Variants in IL1RAPL2 observed in about 807,000 individuals in gnomAD.
The protein encoded by IL1RAPL2 is X-linked interleukin-1 receptor accessory protein-like 2.
In IL1RAPL2, 3 loss-of-function variants were observed where a neutral mutation model predicts 44.1. The observed-to-expected ratio is 0.07, with a 90% CI of 0.03 to 0.18. The LOEUF is 0.18. Among genes scored for constraint, IL1RAPL2 ranks in the 10% least tolerant of loss-of-function variants. The pLI is 1.00. For synonymous variants in IL1RAPL2, 181 were observed against 178.8 expected (o/e 1.01, Z -0.10); for missense variants, 391 against 496.4 (o/e 0.79, Z 2.02).
At chrX:105,235,379 A>G (rs1556200551) in intron 4 of IL1RAPL2, among the ~76,000 whole-genome samples, 1 of 111,818 alleles carries the variant, frequency 8.9e-6, no homozygotes, top group East Asian at 2.8e-4. Flanking sequence ...GATGACCAGG[A>G]AGGTTTTCTG....
intron 6 of IL1RAPL2, among the ~76,000 whole-genome samples, chrX:105,552,853 A>G (rs1162084459): frequency 8.9e-6 from 1 of 112,511 alleles, no homozygotes; most frequent in Non-Finnish European, 1.9e-5. Context: ...AATTTCAATT[A>G]CAGTTCACAC....
intron 6 of IL1RAPL2, among the ~76,000 whole-genome samples, chrX:105,652,330 C>T (rs1389447457): frequency 9.0e-6 from 1 of 111,478 alleles, no homozygotes. Context: ...ATGAACCTTC[C>T]TCTGCTATTT....
chrX:105,584,147 AT>A (rs773966357), intron 6 of IL1RAPL2, among the ~76,000 whole-genome samples: 3 of 110,653 alleles, frequency 2.7e-5, no homozygotes, highest in African/African-American at 9.9e-5. Context: ...CAAGTCTTCT[AT>A]TTTTTTTCTG....
chrX:105,197,898 G>T (rs1419529699), intron 3 of IL1RAPL2, among the ~76,000 whole-genome samples: 2 of 110,568 alleles, frequency 1.8e-5, no homozygotes, highest in Non-Finnish European at 1.9e-5. Context: ...GTAGTTTTTT[G>T]ATTCTCTCCC....
In IL1RAPL2 at chrX:104,597,227, C is replaced by T. The variant is rs773445156; in HGVS notation, c.-20+30176C>T. Among the ~76,000 whole-genome samples the T allele has an allele frequency of 3.7e-5, 4 of 108,710 alleles. No individual in the cohort carries two copies. In the Admixed American group the frequency reaches 4.0e-4, roughly 11 times the overall value. The allele number at this position is 108,710 out of a possible 115,157, so 94.4% of individuals were successfully genotyped here. On this transcript the variant is annotated intron_variant, in intron 1 of 10. Transcript: ENST00000372582. ...GATGTGGCAGTGTGCACCTGTAGTC[C>T]CAGCTACTCAGGAAGCTGAGGCAGG...
chrX:105,527,576 A>G (rs1264985366), intron 6 of IL1RAPL2, among the ~76,000 whole-genome samples: 3 of 110,789 alleles, frequency 2.7e-5, no homozygotes, highest in Non-Finnish European at 3.8e-5. Flanking sequence ...TATGAAATCA[A>G]TAATTGAGTC....
intron 2 of IL1RAPL2, among the ~76,000 whole-genome samples, chrX:104,776,607 C>T (rs187115776): frequency 9.9e-5 from 11 of 111,558 alleles, no homozygotes; most frequent in Non-Finnish European, 1.5e-4. Context: ...GTGAGCAGGA[C>T]GAATAACAAT....
chrX:105,670,622 A>AG (rs1404535135), intron 6 of IL1RAPL2, among the ~76,000 whole-genome samples: 1 of 109,263 alleles, frequency 9.2e-6, no homozygotes, highest in East Asian at 2.9e-4. Flanking sequence ...TCTAAAAAAA[A>AG]AAAATCTAAC....
chrX:105,034,509 G>A (rs1393600134), intron 2 of IL1RAPL2, among the ~76,000 whole-genome samples: 1 of 112,246 alleles, frequency 8.9e-6, no homozygotes, highest in African/African-American at 3.2e-5. Flanking sequence ...TGTTTGCCTG[G>A]GTATCAGCAG....
intron 2 of IL1RAPL2, among the ~76,000 whole-genome samples, chrX:105,080,061 T>C (rs929808787): frequency 2.7e-5 from 3 of 112,271 alleles, no homozygotes; most frequent in South Asian, 7.5e-4. Context: ...ATTTTTCTTT[T>C]AAATTTGTTT....
At chrX:105,187,364 TA>T (rs1177503633) in intron 2 of IL1RAPL2, among the ~76,000 whole-genome samples, 1 of 111,486 alleles carries the variant, frequency 9.0e-6, no homozygotes, top group East Asian at 2.8e-4. Flanking sequence ...ATCCCATCAT[TA>T]AAAAAATATT....
intron 1 of IL1RAPL2, among the ~76,000 whole-genome samples, chrX:104,623,593 C>T (rs752697862): frequency 9.0e-6 from 1 of 111,213 alleles, no homozygotes; most frequent in African/African-American, 3.3e-5. Flanking sequence ...AACAACACAC[C>T]ACTGGTTGGA....
intron 5 of IL1RAPL2, among the ~76,000 whole-genome samples, chrX:105,341,348 T>C (rs375857819): frequency 2.7e-5 from 3 of 110,972 alleles, no homozygotes; most frequent in Admixed American, 1.9e-4. Flanking sequence ...CTTTTCTTTT[T>C]TTTTTACTGA....
chrX:105,441,781 C>T (rs774863651), intron 5 of IL1RAPL2, among the ~76,000 whole-genome samples: 2 of 110,989 alleles, frequency 1.8e-5, no homozygotes, highest in South Asian at 3.8e-4. Context: ...CATTCTGTTC[C>T]AGATCTGGGG....
chrX:104,871,241 C>T (rs1055967880), intron 2 of IL1RAPL2, among the ~76,000 whole-genome samples: 3 of 111,543 alleles, frequency 2.7e-5, no homozygotes, highest in African/African-American at 6.5e-5. Flanking sequence ...ATTTTATATT[C>T]GAGTTGTCTA....
chrX:105,070,166 C>G (rs2032187660), intron 2 of IL1RAPL2, among the ~76,000 whole-genome samples: 1 of 111,544 alleles, frequency 9.0e-6, no homozygotes, highest in Admixed American at 9.6e-5. Context: ...CCCAGCAGAG[C>G]CTTTTCTAAT....
chrX:104,576,121 TTAA>T (rs1477236646), intron 1 of IL1RAPL2, among the ~76,000 whole-genome samples: 1 of 111,358 alleles, frequency 9.0e-6, no homozygotes, highest in Admixed American at 9.6e-5. Flanking sequence ...TCATTTCATA[TTAA>T]TAATTATTTT....
At chrX:104,997,621 A>G (rs2030772249) in intron 2 of IL1RAPL2, among the ~76,000 whole-genome samples, 1 of 112,063 alleles carries the variant, frequency 8.9e-6, no homozygotes, top group Admixed American at 9.5e-5. Flanking sequence ...GGCTTGAGCT[A>G]AACAGATAGC....
chrX:104,945,639 T>C (rs1357251850), intron 2 of IL1RAPL2, among the ~76,000 whole-genome samples: 1 of 112,113 alleles, frequency 8.9e-6, no homozygotes, highest in Non-Finnish European at 1.9e-5. Flanking sequence ...AATAACTTAA[T>C]GTATGCCTTC....
Sources: allele counts gnomAD v4.1 joint callset (sites outside exome capture counted in the v4.1 genomes callset), GRCh38; gene constraint gnomAD v4.1.1; transcripts MANE v1.5; gene names NCBI Gene and HGNC (gene_info 2026-07-23, HGNC 2026-07-21).